The following TBRG4 variants were observed in gnomAD, a reference collection of about 807,000 sequenced individuals.
TBRG4 encodes FAST kinase domain-containing protein 4.
Under a neutral mutation model 65.6 loss-of-function variants are expected in TBRG4, and 43 were observed. The ratio of observed to expected loss-of-function variants is 0.66; its 90% CI spans 0.51 to 0.85. The LOEUF (loss-of-function observed/expected upper bound fraction) is 0.85. Among genes scored for constraint, TBRG4 ranks in the 40% least tolerant of loss-of-function variants. The probability of loss-of-function intolerance (pLI) is 0.00; values close to 1 mark genes in which losing one functional copy is unlikely to be tolerated. For missense variants in TBRG4, 709 were observed against 787.9 expected, an observed-to-expected ratio of 0.90 and a Z score of 1.20; for synonymous variants, 366 against 341.4, an observed-to-expected ratio of 1.07 and a Z score of -0.79.
rs754537503 is a variant in TBRG4 at position 45,101,359 on chromosome 7, G to A, written c.1693C>T (p.Arg565Trp). 9.3e-6 allele frequency: 15 copies of A among 1,613,962 alleles called. No individual in the cohort carries two copies. Among genetic ancestry groups the A allele is most frequent in the African/African-American group, 4.0e-5 (3 of 75,068 alleles). ...CTGTTGAAGTTGGGGAACTCCCACC[G>A]CAAGAACGCTAGCCTGGAAGGAAGA... is the stretch of plus-strand genomic sequence containing the variant. ...PPGSKRLAFLRWEFPNFNSRS... is the reference protein window; with the variant it reads ...PPGSKRLAFLWWEFPNFNSRS... Residue 565 changes from arginine (R) to tryptophan (W), a missense_variant, in exon 10 of 11, where the codon CGG becomes TGG. Physicochemically the swap from Arg to Trp is moderately radical, Grantham distance 101 (BLOSUM62 -3). Coordinates refer to ENST00000258770, the MANE Select transcript of TBRG4 (RefSeq NM_004749.4).
chr7:45,103,321 C>G lies in TBRG4; in HGVS notation c.1176+12G>C. On this transcript the variant is annotated intron_variant, in intron 6 of 10. Transcript: ENST00000258770. ...GGATAAAGGTCGAGCAGTGGGAGCC[C>G]AGAGGCCCTACCAGGCTGAAGAACT... is the stretch of plus-strand genomic sequence containing the variant. 4.4e-6 allele frequency: 7 copies of G among 1,605,624 alleles called. No individual in the cohort carries two copies. Among genetic ancestry groups the G allele is most frequent in the Non-Finnish European group, 6.0e-6 (7 of 1,174,370 alleles).
intron 6 of TBRG4, 108 bp downstream of exon 6, chr7:45,103,225 G>T: frequency 8.3e-6 from 7 of 839,966 alleles, no homozygotes; most frequent in African/African-American, 1.7e-5. Flanking sequence ...CACACATAGT[G>T]GCCCCTCCCG....
chr7:45,103,411 C>G lies in TBRG4; in HGVS notation c.1098G>C (p.Leu366=). 2 of 1,613,944 alleles carry G rather than the reference C, an allele frequency of 1.2e-6. No homozygotes were observed. Among genetic ancestry groups the G allele is most frequent in the South Asian group, 1.1e-5 (1 of 91,024 alleles). The part of the protein sequence containing the change: ...HVLNRAQDIT[L]PHLCSVLLAF... ...CCAGAAGTACGCTGCACAGGTGGGG[C>G]AGGGTGATGTCCTGCGCTCTGTTCA... Residue 366 remains leucine (L), a synonymous_variant, in exon 6 of 11, where the codon CTG becomes CTC. Coordinates refer to ENST00000258770, the MANE Select transcript of TBRG4 (RefSeq NM_004749.4).
At chr7:45,105,954 G>A (rs370190814) in intron 2 of TBRG4, 190 bp from the exon 3 acceptor site, 77 of 832,132 alleles carry the variant, frequency 9.3e-5, no homozygotes, top group African/African-American at 8.3e-4. Context: ...GCTCAGCCTC[G>A]AGGCCTAGAC....
At position 45,100,500 on chromosome 7, in the gene TBRG4, T is replaced by C. The variant is rs556541206; in HGVS notation, c.1795-74A>G. ...CAGCCAGTGGCTCTGCCTGCTTGCC[T>C]GCTGTCCTCACATTGACCCCTCACC... On this transcript the variant is annotated intron_variant, in intron 10 of 10. Transcript: ENST00000258770. The C allele has an allele frequency of 1.7e-4, 205 of 1,229,794 alleles. 4 individuals are homozygous for C. In the South Asian group the frequency reaches 2.0e-3, roughly 12 times the overall value. 76.2% of individuals were successfully genotyped at this position (1,229,794 alleles called of 1,614,324 possible).
Position 45,105,767 on chromosome 7 carries a change from A to G in TBRG4, c.412-3T>C. 6.3e-7 allele frequency: 1 copy of G among 1,598,302 alleles called. No individual in the cohort carries two copies. The highest frequency in any genetic ancestry group is 1.7e-5 in the Admixed American group (1 of 59,080). On this transcript the variant is annotated splice_polypyrimidine_tract_variant and splice_region_variant and intron_variant, in intron 2 of 10. Transcript: ENST00000258770. ...GTACCATGCCAGACCGAGGCAATCT[A>G]GGCAGAGAAAGGACACAGGAGAAAT...
rs914201821 is a variant in TBRG4 at position 45,108,974 on chromosome 7, T to C, written c.264A>G (p.Leu88=). Residue 88 remains leucine, a synonymous_variant, in exon 2 of 11, where the codon CTA becomes CTG. Transcript: ENST00000258770. ...KATRPEELLE[L]LGGSHDLDSN... ...TGTCCAAGTCGTGACTGCCACCAAG[T>C]AGCTCCAGGAGCTCCTCTGGCCTTG... 3.1e-6 allele frequency: 5 copies of C among 1,612,576 alleles called. No homozygotes were observed. The African/African-American group carries it at 5.3e-5, about 17-fold the overall frequency.
At position 45,102,322 on chromosome 7, in the gene TBRG4, G is replaced by A. The variant is rs1026469173; in HGVS notation, c.1321+25C>T. 7.4e-6 allele frequency: 12 copies of A among 1,613,712 alleles called. No homozygotes were observed. The African/African-American group carries it at 1.3e-4, about 18-fold the overall frequency. ...AAGACCAGGCAGTTTCCCAGTTCCAGTAGTACTAGGGGCAGGGGGCTCACC... is the reference window on the plus strand; with the variant it reads ...AAGACCAGGCAGTTTCCCAGTTCCAATAGTACTAGGGGCAGGGGGCTCACC... On this transcript the variant is annotated intron_variant, in intron 7 of 10. Coordinates refer to ENST00000258770, the MANE Select transcript of TBRG4 (RefSeq NM_004749.4).
rs1464720162 is a variant in TBRG4, at chr7:45,103,583, G to T, written c.1066-140C>A. 1.5e-5 allele frequency: 10 copies of T among 666,192 alleles called. No homozygotes were observed. In the East Asian group the frequency reaches 2.7e-4, roughly 18 times the overall value. The allele number at this position is 666,192 out of a possible 1,614,324, so 41.3% of individuals were successfully genotyped here. On this transcript the variant is annotated intron_variant, in intron 5 of 10. Coordinates refer to ENST00000258770, the MANE Select transcript of TBRG4 (RefSeq NM_004749.4). ...CCTCCATCCAGGGCCCATGAGCTGT[G>T]TCGGGAACAGAGAAGGACTTACACA...
intron 10 of TBRG4, 135 bp downstream of exon 10, chr7:45,101,122 TG>T: frequency 2.7e-6 from 2 of 735,722 alleles, no homozygotes; most frequent in East Asian, 5.5e-5. Context: ...ACTCCCTCCC[TG>T]GGCTCCTGGG....
At chr7:45,100,606 C>T (rs1465697734) in intron 10 of TBRG4, among the ~76,000 whole-genome samples, 180 bp from the exon 11 acceptor site, 1 of 152,222 alleles carries the variant, frequency 6.6e-6, no homozygotes, top group Admixed American at 6.5e-5. Context: ...GAACTGCAGG[C>T]AGTGCGGGCG....
intron 10 of TBRG4, among the ~76,000 whole-genome samples, chr7:45,100,733 GA>G (rs1347923981): frequency 6.6e-6 from 1 of 152,226 alleles, no homozygotes; most frequent in African/African-American, 2.4e-5. Context: ...GAAGCAAACA[GA>G]ACCCTTGTGT....
Position 45,104,104 on chromosome 7 carries a change from C to A in TBRG4, c.1060G>T (p.Ala354Ser). The A allele has an allele frequency of 6.2e-7, 1 of 1,603,370 alleles. No homozygotes were observed. The highest frequency in any genetic ancestry group is 8.5e-7 in the Non-Finnish European group (1 of 1,175,070). ...WLSLPLFEAFAQHVLNRAQDI... is the reference protein window; with the variant it reads ...WLSLPLFEAFSQHVLNRAQDI... ...GGGGCCAGGCCCTGGCTCACCTGGGCAAAGGCCTCAAACAGGGGCAGGCTG... is the reference window on the plus strand; with the variant it reads ...GGGGCCAGGCCCTGGCTCACCTGGGAAAAGGCCTCAAACAGGGGCAGGCTG... The change falls in exon 5 of 11, where the codon GCC (alanine) becomes TCC (serine). Residue 354 changes from alanine to serine, a missense_variant. By Grantham distance (99) the Ala-to-Ser change is moderately conservative. Coordinates refer to ENST00000258770, the MANE Select transcript of TBRG4 (RefSeq NM_004749.4).
rs772185404 is a variant in TBRG4, at chr7:45,103,335, G to C, written c.1174C>G (p.Leu392Val). Reference protein sequence around the residue: ...HPDQEDQFFSLVHEKLGSELP... With the variant: ...HPDQEDQFFSVVHEKLGSELP... ...CAGTGGGAGCCCAGAGGCCCTACCAGGCTGAAGAACTGATCCTCTTGGTCT... is the reference window on the plus strand; with the variant it reads ...CAGTGGGAGCCCAGAGGCCCTACCACGCTGAAGAACTGATCCTCTTGGTCT... The change falls in exon 6 of 11, where the codon CTG becomes GTG. Residue 392 changes from leucine (L) to valine (V), a missense_variant and splice_region_variant. By Grantham distance (32) the Leu-to-Val change is conservative. Transcript: ENST00000258770. 1 of 1,611,998 alleles carries C rather than the reference G, an allele frequency of 6.2e-7. No individual in the cohort carries two copies. The highest frequency in any genetic ancestry group is 8.5e-7 in the Non-Finnish European group (1 of 1,178,892).
rs1784881462 is a variant in TBRG4, at chr7:45,104,690, T to C, written c.755A>G (p.His252Arg). 2 of 1,613,666 alleles carry C rather than the reference T, an allele frequency of 1.2e-6. No individual in the cohort carries two copies. Among genetic ancestry groups the C allele is most frequent in the South Asian group, 1.1e-5 (1 of 91,086 alleles). The change falls in exon 4 of 11, where the codon CAC (histidine) becomes CGC (arginine). Residue 252 changes from histidine to arginine, a missense_variant. Coordinates refer to ENST00000258770, the MANE Select transcript of TBRG4 (RefSeq NM_004749.4). ...LEDKCLELVE[H>R]FGPNELRKVL... ...CTTCCGCAGCTCATTGGGGCCAAAG[T>C]GCTCCACCAACTCCAGGCACTGTCA... is the stretch of plus-strand genomic sequence containing the variant.
At chr7:45,105,034 T>G (rs945017737) in intron 3 of TBRG4, 10 of 715,158 alleles carry the variant, frequency 1.4e-5, no homozygotes, top group Admixed American at 1.2e-4. Flanking sequence ...TGAATTTGAC[T>G]TGACTGCAGG....
At position 45,108,924 on chromosome 7, in the gene TBRG4, A is replaced by T. The variant is rs34954846; in HGVS notation, c.314T>A (p.Ile105Asn). The T allele has an allele frequency of 4.3e-6, 7 of 1,610,100 alleles. No homozygotes were observed. Among genetic ancestry groups the T allele is most frequent in the Non-Finnish European group, 5.9e-6 (7 of 1,178,368 alleles). Residue 105 changes from isoleucine to asparagine, a missense_variant, in exon 2 of 11, where the codon ATC becomes AAC. Ile to Asn is a moderately radical substitution (Grantham distance 149). Transcript: ENST00000258770. ...CTCAGACAGCAAGTGAGAGAGCCGG[A>T]TAAGTACCATTGCTGCTTGATTGCT... ...LDSNQAAMVL[I>N]RLSHLLSEKP...
At chr7:45,105,870 C>G (rs999394447) in intron 2 of TBRG4, 106 bp from the exon 3 acceptor site, 13 of 1,297,472 alleles carry the variant, frequency 1.0e-5, no homozygotes, top group African/African-American at 4.4e-5. Flanking sequence ...TACTACAACT[C>G]TTCAGAGAAG....
chr7:45,107,391 CCA>C (rs1784992855), intron 2 of TBRG4: 1 of 152,198 alleles, frequency 6.6e-6, no homozygotes, highest in African/African-American at 2.4e-5. Context: ...TCCACAGGGC[CCA>C]CAGTGTCAAC....
Sources: allele counts gnomAD v4.1 joint callset (sites outside exome capture counted in the v4.1 genomes callset), GRCh38; gene constraint gnomAD v4.1.1; transcripts MANE v1.5; gene names NCBI Gene and HGNC (gene_info 2026-07-23, HGNC 2026-07-21).